The following AGBL4 variants were observed in gnomAD, a reference collection of about 807,000 sequenced individuals.
AGBL4 encodes the protein AGBL carboxypeptidase 4.
AGBL4 carries 58 observed loss-of-function variants against 66.4 expected under a neutral mutation model. The observed-to-expected ratio is 0.87, with a 90% CI of 0.71 to 1.09. AGBL4 has a LOEUF of 1.09. Among genes scored for constraint, AGBL4 ranks in the 50% least tolerant of loss-of-function variants. The pLI, the probability that AGBL4 is intolerant of heterozygous loss-of-function variation, is 0.00. For missense variants in AGBL4, 579 were observed against 631.0 expected (o/e 0.92, Z 0.88); for synonymous variants, 234 against 222.9 (o/e 1.05, Z -0.44).
At chr1:49,148,478 G>T (rs1344279115) in intron 4 of AGBL4, among the ~76,000 whole-genome samples, 8 of 152,192 alleles carry the variant, frequency 5.3e-5, no homozygotes, top group Admixed American at 5.2e-4. Flanking sequence ...CACTGAGCCA[G>T]AACTGAAACT....
chr1:49,186,053 T>C (rs1415210817), intron 4 of AGBL4, among the ~76,000 whole-genome samples: 1 of 151,836 alleles, frequency 6.6e-6, no homozygotes, highest in Non-Finnish European at 1.5e-5. Flanking sequence ...GGGACTAGAG[T>C]TCCCCGATGC....
intron 3 of AGBL4, among the ~76,000 whole-genome samples, chr1:49,549,023 T>G (rs922312718): frequency 1.3e-5 from 2 of 152,080 alleles, no homozygotes; most frequent in African/African-American, 4.8e-5. Flanking sequence ...TTCCAGGAAT[T>G]TATCCATCTC....
intron 3 of AGBL4, among the ~76,000 whole-genome samples, chr1:49,605,782 C>T (rs1358148900): frequency 6.6e-6 from 1 of 151,886 alleles, no homozygotes; most frequent in Admixed American, 6.6e-5. Flanking sequence ...AAAATAAGAA[C>T]CACCTAGACA....
intron 4 of AGBL4, among the ~76,000 whole-genome samples, chr1:49,199,032 T>C (rs757710516): frequency 1.3e-5 from 2 of 152,222 alleles, no homozygotes; most frequent in Non-Finnish European, 2.9e-5. Context: ...CTTCCACTTC[T>C]GTGTCCTTCA....
intron 4 of AGBL4, among the ~76,000 whole-genome samples, chr1:49,233,635 T>C (rs1035644960): frequency 1.3e-5 from 2 of 152,218 alleles, no homozygotes; most frequent in Non-Finnish European, 2.9e-5. Context: ...AACTGTAATT[T>C]AGGCAGAGTA....
chr1:49,377,401 AG>A (rs1278386815), intron 3 of AGBL4, among the ~76,000 whole-genome samples: 4 of 152,092 alleles, frequency 2.6e-5, no homozygotes, highest in Admixed American at 1.3e-4. Flanking sequence ...AAAAATGTTA[AG>A]TAACTTATTC....
chr1:49,582,156 T>C (rs1644555018), intron 3 of AGBL4, among the ~76,000 whole-genome samples: 1 of 152,152 alleles, frequency 6.6e-6, no homozygotes, highest in South Asian at 2.1e-4. Context: ...TCCCACACTC[T>C]GTCTTAGAAG....
At chr1:48,876,441 CAT>C (rs1430751630) in intron 5 of AGBL4, among the ~76,000 whole-genome samples, 2 of 152,118 alleles carry the variant, frequency 1.3e-5, no homozygotes, top group African/African-American at 4.8e-5. Flanking sequence ...CCGTTCCAGT[CAT>C]GAGTCAGAAG....
chr1:48,727,595 C>A, intron 6 of AGBL4: 1 of 219,790 alleles, frequency 4.5e-6, no homozygotes, highest in Non-Finnish European at 8.9e-6. Context: ...TAAAAATATC[C>A]ATTCAAACCC....
chr1:48,689,697 G>A (rs1450941689), intron 6 of AGBL4, among the ~76,000 whole-genome samples: 1 of 152,152 alleles, frequency 6.6e-6, no homozygotes, highest in Non-Finnish European at 1.5e-5. Flanking sequence ...TGTGTGTTGG[G>A]ATGAGATGGC....
At chr1:49,535,097 T>C (rs775421096) in intron 3 of AGBL4, among the ~76,000 whole-genome samples, 6 of 152,096 alleles carry the variant, frequency 3.9e-5, no homozygotes, top group Non-Finnish European at 8.8e-5. Flanking sequence ...GATGACAGTA[T>C]GTACATGAAA....
intron 2 of AGBL4, among the ~76,000 whole-genome samples, chr1:49,794,406 A>C (rs556188986): frequency 2.0e-4 from 30 of 152,092 alleles, no homozygotes; most frequent in African/African-American, 7.2e-4. Flanking sequence ...CAATTCATTT[A>C]AAATCAGATA....
At chr1:49,985,052 A>C (rs770591600) in intron 1 of AGBL4, among the ~76,000 whole-genome samples, 1 of 152,164 alleles carries the variant, frequency 6.6e-6, no homozygotes, top group Admixed American at 6.5e-5. Context: ...GCCCAACTAC[A>C]GTACTACATG....
At chr1:48,799,086 A>G (rs1645754829) in intron 6 of AGBL4, among the ~76,000 whole-genome samples, 1 of 152,110 alleles carries the variant, frequency 6.6e-6, no homozygotes, top group Admixed American at 6.5e-5. Context: ...AATTGCATTG[A>G]ATTTATAGAT....
chr1:49,219,206 G>A (rs1649309056), intron 4 of AGBL4, among the ~76,000 whole-genome samples: 1 of 152,078 alleles, frequency 6.6e-6, no homozygotes, highest in African/African-American at 2.4e-5. Context: ...CACCCATCAT[G>A]GGACAACACA....
chr1:49,496,463 T>C (rs1331001287), intron 3 of AGBL4, among the ~76,000 whole-genome samples: 1 of 151,784 alleles, frequency 6.6e-6, no homozygotes, highest in African/African-American at 2.4e-5. Context: ...GCACAATAAA[T>C]CTCTTGAATT....
chr1:49,646,818 T>C (rs1195227936), intron 3 of AGBL4, among the ~76,000 whole-genome samples: 1 of 151,982 alleles, frequency 6.6e-6, no homozygotes, highest in Non-Finnish European at 1.5e-5. Flanking sequence ...ATTTGTATCA[T>C]GACAGACAAA....
chr1:49,421,996 C>T (rs959323879), intron 3 of AGBL4, among the ~76,000 whole-genome samples: 3 of 152,264 alleles, frequency 2.0e-5, no homozygotes, highest in Admixed American at 2.0e-4. Context: ...ATTGCAGTAA[C>T]TCCTGTTTTG....
chr1:49,113,580 C>T lies in AGBL4; in HGVS notation c.378-67780G>A, dbSNP rs112034051. On this transcript the variant is annotated intron_variant, in intron 4 of 13. Coordinates refer to ENST00000371839, the MANE Select transcript of AGBL4 (RefSeq NM_032785.4). ...AAATGTTCTTATTGGCATCTAAAAT[C>T]GTAAGGATTTTCTAGAAGGTTTTCA... Among the ~76,000 whole-genome samples the T allele has an allele frequency of 6.2e-3, 944 of 152,276 alleles. 6 individuals are homozygous for T. Among genetic ancestry groups the T allele is most frequent in the African/African-American group, 0.022 (899 of 41,544 alleles).
Sources: gnomAD v4.1 joint callset for allele counts (sites outside exome capture counted in the v4.1 genomes callset) on GRCh38, gnomAD v4.1.1 for gene constraint, MANE v1.5 for transcripts, NCBI Gene and HGNC (gene_info 2026-07-23, HGNC 2026-07-21) for gene names.